SLC24A4: variants seen among roughly 807,000 people sequenced by gnomAD.
The protein encoded by SLC24A4 is solute carrier family 24 member 4.
In SLC24A4, 53 loss-of-function variants were observed where a neutral mutation model predicts 79.0. The ratio of observed to expected loss-of-function variants is 0.67; its 90% CI spans 0.54 to 0.84. The LOEUF (loss-of-function observed/expected upper bound fraction) is 0.84, where lower values mean the gene tolerates loss of function less well. Ranked by LOEUF, SLC24A4 falls within the 40% of genes least tolerant of loss-of-function variation. The pLI, the probability that SLC24A4 is intolerant of heterozygous loss-of-function variation, is 0.00. For synonymous variants in SLC24A4, 323 were observed against 323.8 expected (o/e 1.00, Z 0.03); for missense variants, 731 against 822.0 (o/e 0.89, Z 1.35).
At chr14:92,491,530 A>G in intron 14 of SLC24A4, 135 bp from the exon 15 acceptor site, 1 of 644,252 alleles carries the variant, frequency 1.6e-6, no homozygotes, top group Non-Finnish European at 2.8e-6. Context: ...GGCCTTATGA[A>G]AAGGTTTAGA....
intron 2 of SLC24A4, among the ~76,000 whole-genome samples, chr14:92,338,313 A>AT (rs772070779): frequency 1.3e-5 from 2 of 152,206 alleles, no homozygotes; most frequent in Admixed American, 6.5e-5. Context: ...GCTTTTAAGG[A>AT]TTAAGTGCAA....
At chr14:92,382,608 A>T (rs1888918403) in intron 2 of SLC24A4, among the ~76,000 whole-genome samples, 1 of 152,234 alleles carries the variant, frequency 6.6e-6, no homozygotes, top group Non-Finnish European at 1.5e-5. Flanking sequence ...TAGAAGCAGA[A>T]GCGAAAGGAA....
At chr14:92,478,508 G>A (rs549124517) in intron 12 of SLC24A4, among the ~76,000 whole-genome samples, 5 of 152,082 alleles carry the variant, frequency 3.3e-5, no homozygotes, top group Admixed American at 2.0e-4. Context: ...AGTAAATGTC[G>A]AGTCCATAAA....
In SLC24A4 at chr14:92,453,777, T is replaced by TGGCTGCC. The variant is rs1490404546; in HGVS notation, c.881-122_881-116dup. ...GAAGCCAGGCATCCAGACTTCCCGG[T>TGGCTGCC]GGCTGCCAGCTGCCAGGACCACAGC... On this transcript the variant is annotated intron_variant, in intron 10 of 16. Transcript: ENST00000532405. The TGGCTGCC allele has an allele frequency of 9.2e-6, 10 of 1,086,430 alleles. No individual in the cohort carries two copies. The African/African-American group carries it at 1.5e-4, about 16-fold the overall frequency. 67.3% of individuals were successfully genotyped at this position (1,086,430 alleles called of 1,614,324 possible).
chr14:92,356,781 TTC>T (rs1436971607), intron 2 of SLC24A4, among the ~76,000 whole-genome samples: 5 of 152,172 alleles, frequency 3.3e-5, no homozygotes, highest in Admixed American at 1.3e-4. Context: ...CACCATTCAG[TTC>T]TCTCTGGGGT....
intron 12 of SLC24A4, among the ~76,000 whole-genome samples, chr14:92,471,636 C>T (rs771344251): frequency 2.6e-5 from 4 of 152,038 alleles, no homozygotes; most frequent in Non-Finnish European, 5.9e-5. Context: ...ATTCCCAGTA[C>T]CTAGAATAGT....
chr14:92,439,130 A>T (rs776485411), intron 3 of SLC24A4, among the ~76,000 whole-genome samples: 1 of 152,182 alleles, frequency 6.6e-6, no homozygotes, highest in African/African-American at 2.4e-5. Flanking sequence ...ACTGCTCAGC[A>T]TGTTATCTCC....
At chr14:92,401,207 A>C (rs972848165) in intron 2 of SLC24A4, among the ~76,000 whole-genome samples, 1 of 152,180 alleles carries the variant, frequency 6.6e-6, no homozygotes, top group Admixed American at 6.5e-5. Flanking sequence ...AATCAAGTCG[A>C]TAAGAATTTT....
chr14:92,372,920 T>TTCCTTCCTTCCTTC (rs1220049614), intron 2 of SLC24A4, among the ~76,000 whole-genome samples: 1,721 of 83,350 alleles, frequency 0.021, 41 homozygotes, highest in South Asian at 0.028. Context: ...TTCCTTCCTT[T>TTCCTTCCTTCCTTC]CTTTCTCTTT....
intron 12 of SLC24A4, among the ~76,000 whole-genome samples, chr14:92,481,252 A>G (rs1490783837): frequency 6.6e-6 from 1 of 152,226 alleles, no homozygotes; most frequent in African/African-American, 2.4e-5. Flanking sequence ...TCCCAGAGAT[A>G]TCTAGGAGCT....
At chr14:92,444,981 CTT>C (rs1332128776) in intron 7 of SLC24A4, among the ~76,000 whole-genome samples, 4 of 151,198 alleles carry the variant, frequency 2.6e-5, no homozygotes, top group Non-Finnish European at 5.9e-5. Flanking sequence ...ACTTAGCTAT[CTT>C]TCAGTCTTTG....
At chr14:92,483,295 G>T (rs138750055) in intron 13 of SLC24A4, among the ~76,000 whole-genome samples, 1 of 152,164 alleles carries the variant, frequency 6.6e-6, no homozygotes, top group Non-Finnish European at 1.5e-5. Flanking sequence ...TGCTGGTGCT[G>T]GTTTAAGCCC....
chr14:92,378,709 A>G (rs1888657756), intron 2 of SLC24A4, among the ~76,000 whole-genome samples: 1 of 152,188 alleles, frequency 6.6e-6, no homozygotes, highest in Non-Finnish European at 1.5e-5. Context: ...CAATCAATGT[A>G]TTAAAGTTAA....
At position 92,491,785 on chromosome 14, in the gene SLC24A4, C is replaced by G. The variant is rs765979554; in HGVS notation, c.1650+8C>G. On this transcript the variant is annotated splice_region_variant and intron_variant, in intron 15 of 16. Coordinates refer to ENST00000532405, the MANE Select transcript of SLC24A4 (RefSeq NM_153646.4). Reference sequence around the variant, plus strand: ...GTTAATTATGGATCAACAGTAAGTTCCTCTCACCTTTAACAGATGTGTTTT... The same window carrying G: ...GTTAATTATGGATCAACAGTAAGTTGCTCTCACCTTTAACAGATGTGTTTT... 3.1e-6 allele frequency: 5 copies of G among 1,594,414 alleles called. No homozygotes were observed. The highest frequency in any genetic ancestry group is 4.3e-6 in the Non-Finnish European group (5 of 1,162,032).
At chr14:92,421,453 T>C (rs1176922414) in intron 2 of SLC24A4, among the ~76,000 whole-genome samples, 1 of 152,098 alleles carries the variant, frequency 6.6e-6, no homozygotes, top group Non-Finnish European at 1.5e-5. Flanking sequence ...ACCATATAAA[T>C]GAGATCATAC....
intron 2 of SLC24A4, among the ~76,000 whole-genome samples, chr14:92,352,866 C>T (rs763985658): frequency 6.6e-6 from 1 of 152,144 alleles, no homozygotes; most frequent in Non-Finnish European, 1.5e-5. Context: ...ACAGGAAATG[C>T]CATCATCCAT....
At position 92,441,209 on chromosome 14, in the gene SLC24A4, G is replaced by T. The variant is rs749136034; in HGVS notation, c.394-880G>T. 1.1e-4 allele frequency among the ~76,000 whole-genome samples: 16 copies of T among 152,186 alleles called. No individual in the cohort carries two copies. Among genetic ancestry groups the T allele is most frequent in the Non-Finnish European group, 1.9e-4 (13 of 68,028 alleles). The stretch of plus-strand genomic sequence containing the variant: ...GTTGGGGCTGGTGGAGGTGAGCCCT[G>T]TCCTGAGAGGCCTTCTGAGAACCGC... On this transcript the variant is annotated intron_variant, in intron 4 of 16. Transcript: ENST00000532405. This position sits in a 1 kb window ranked among gnomAD's most constrained non-coding sequence, Gnocchi z 4.6.
chr14:92,372,663 C>A (rs1888235390), intron 2 of SLC24A4, among the ~76,000 whole-genome samples: 1 of 152,098 alleles, frequency 6.6e-6, no homozygotes, highest in African/African-American at 2.4e-5. Context: ...GCCTGCGTTT[C>A]CAGAATCGGA....
intron 2 of SLC24A4, among the ~76,000 whole-genome samples, chr14:92,407,436 T>C (rs1360440663): frequency 6.6e-6 from 1 of 152,240 alleles, no homozygotes; most frequent in Non-Finnish European, 1.5e-5. Context: ...TACCCCACTC[T>C]TGATGCCAAT....
Sources: gnomAD v4.1 joint callset for allele counts (sites outside exome capture counted in the v4.1 genomes callset) on GRCh38, gnomAD v4.1.1 for gene constraint, Gnocchi (gnomAD v3.1) non-coding constraint, MANE v1.5 for transcripts, NCBI Gene and HGNC (gene_info 2026-07-23, HGNC 2026-07-21) for gene names.